SLC9A3: variants seen among roughly 807,000 people sequenced by gnomAD.
The protein encoded by SLC9A3 is sodium/hydrogen exchanger 3.
Under a neutral mutation model 86.8 loss-of-function variants are expected in SLC9A3, and 37 were observed. The observed-to-expected ratio is 0.43, with a 90% CI of 0.33 to 0.56. The LOEUF is 0.56. Ranked by LOEUF, SLC9A3 falls within the 20% of genes least tolerant of loss-of-function variation. SLC9A3 has a pLI of 0.06. For missense variants in SLC9A3, 1,011 were observed against 1,171.9 expected (o/e 0.86, Z 2.00); for synonymous variants, 581 against 528.3 (o/e 1.10, Z -1.37).
intron 6 of SLC9A3, 78 bp downstream of exon 6, chr5:483,184 C>T (rs1739298465): frequency 8.9e-7 from 1 of 1,123,948 alleles, no homozygotes; most frequent in Non-Finnish European, 1.3e-6. Flanking sequence ...TCCCTGGGCC[C>T]AGTAGAAAGC....
chr5:486,870 C>T (rs1022804081), intron 3 of SLC9A3, among the ~76,000 whole-genome samples: 9 of 127,546 alleles, frequency 7.1e-5, no homozygotes, highest in African/African-American at 8.9e-5. Context: ...TGATCCAGAC[C>T]GCACTGACAC....
chr5:482,515 C>T (rs774271919), intron 7 of SLC9A3, 33 bp downstream of exon 7: 33 of 1,569,398 alleles, frequency 2.1e-5, no homozygotes, highest in East Asian at 6.8e-5. Flanking sequence ...CGGGCGGGGC[C>T]GAGACCCCAG....
chr5:510,078 G>A (rs982191596), intron 1 of SLC9A3, among the ~76,000 whole-genome samples: 5 of 152,246 alleles, frequency 3.3e-5, no homozygotes, highest in Admixed American at 2.0e-4. Flanking sequence ...CCGGGGAGCC[G>A]CTGGAGGCCT....
rs1738412407 is a variant in SLC9A3, at chr5:472,422, GGACT to G, written c.*953_*956del. 1.8e-5 allele frequency: 6 copies of G among 337,740 alleles called. No individual in the cohort carries two copies. Among genetic ancestry groups the G allele is most frequent in the Non-Finnish European group, 2.9e-5 (5 of 172,130 alleles). 20.9% of individuals were successfully genotyped at this position (337,740 alleles called of 1,614,324 possible). ...CTGCTGGGCCCCACCATCCACTTAAGGACTGGCCGTGATTCTTGGCAAGCTCCGC... is the reference window on the plus strand; with the variant it reads ...CTGCTGGGCCCCACCATCCACTTAAGGGCCGTGATTCTTGGCAAGCTCCGC... On this transcript the variant is annotated 3_prime_UTR_variant, in exon 17 of 17. Coordinates refer to ENST00000264938, the MANE Select transcript of SLC9A3 (RefSeq NM_004174.4).
intron 1 of SLC9A3, among the ~76,000 whole-genome samples, chr5:493,116 G>GA (rs70955254): frequency 0.59 from 86,369 of 145,666 alleles, 26,788 homozygotes; most frequent in Non-Finnish European, 0.71. Context: ...GTTGGACTCA[G>GA]AAAAAAAAAA....
In SLC9A3 at chr5:489,947, C is replaced by T. The variant is rs141032246; in HGVS notation, c.515-1471G>A. On this transcript the variant is annotated intron_variant, in intron 2 of 16. Coordinates refer to ENST00000264938, the MANE Select transcript of SLC9A3 (RefSeq NM_004174.4). ...AAGGGCCTCTGATGCCTGAAGCTCT[C>T]GCAGGGCCTGTCCCCACACTGCCCG... 8.7e-3 allele frequency among the ~76,000 whole-genome samples: 1,332 copies of T among 152,364 alleles called. 22 individuals are homozygous for T. The highest frequency in any genetic ancestry group is 0.03 in the African/African-American group (1,255 of 41,592).
At chr5:512,973 T>A (rs1733602026) in intron 1 of SLC9A3, among the ~76,000 whole-genome samples, 2 of 151,918 alleles carry the variant, frequency 1.3e-5, no homozygotes, top group South Asian at 4.2e-4. Flanking sequence ...CACTTTTCAC[T>A]GGAAGATAAG....
At chr5:522,487 C>T (rs984592317) in intron 1 of SLC9A3, among the ~76,000 whole-genome samples, 4 of 152,116 alleles carry the variant, frequency 2.6e-5, no homozygotes, top group Non-Finnish European at 4.4e-5. Flanking sequence ...CGGCCGGGCG[C>T]GGTGGCTCAC....
chr5:505,851 G>A (rs1179079521), intron 1 of SLC9A3, among the ~76,000 whole-genome samples: 4 of 150,414 alleles, frequency 2.7e-5, no homozygotes, highest in Non-Finnish European at 5.9e-5. Context: ...TGGCCATGTT[G>A]GGAGGGGAGT....
chr5:489,047 T>G (rs995373086), intron 2 of SLC9A3, among the ~76,000 whole-genome samples: 1 of 152,226 alleles, frequency 6.6e-6, no homozygotes, highest in Admixed American at 6.5e-5. Flanking sequence ...TGGGCTCTGG[T>G]GCCCCTCGCT....
Position 482,041 on chromosome 5 carries a change from CCCCCCGCCCCCCAG to C in SLC9A3, c.1446+13_1446+26del. 1 of 528,246 alleles carries C rather than the reference CCCCCCGCCCCCCAG, an allele frequency of 1.9e-6. No homozygotes were observed. The highest frequency in any genetic ancestry group is 3.4e-6 in the Non-Finnish European group (1 of 297,568). 32.7% of individuals were successfully genotyped at this position (528,246 alleles called of 1,614,324 possible). On this transcript the variant is annotated intron_variant, in intron 8 of 16. Coordinates refer to ENST00000264938, the MANE Select transcript of SLC9A3 (RefSeq NM_004174.4). ...AGCCCCGAGGAACACGCAGTGCCCC[CCCCCCGCCCCCCAG>C]CCCCGCACTTACGCGCCCGTGCAGC...
In SLC9A3 at chr5:524,226, C is replaced by G; in HGVS notation, c.97G>C (p.Gly33Arg). ...CCCCCGCTCTCGCCGTGCGCGCCGC[C>G]GGGCTCCACCTCGACGCCCCCGGCC... is the stretch of plus-strand genomic sequence containing the variant. ...ARAGGVEVEP[G>R]GAHGESGGFQ... The change falls in exon 1 of 17, where the codon GGC becomes CGC. Residue 33 changes from glycine (G) to arginine (R), a missense_variant. Physicochemically the swap from Gly to Arg is moderately radical, Grantham distance 125. Around this residue, in one of 3 missense-constraint regions of SLC9A3, gnomAD observed 565 missense variants for 790.0 expected, o/e 0.72. Transcript: ENST00000264938. 1 of 1,505,098 alleles carries G rather than the reference C, an allele frequency of 6.6e-7. No homozygotes were observed. The highest frequency in any genetic ancestry group is 8.9e-7 in the Non-Finnish European group (1 of 1,127,182). 93.2% of individuals were successfully genotyped at this position (1,505,098 alleles called of 1,614,324 possible). A position where few individuals can be genotyped will look rare whatever the true frequency, so the allele number is the denominator to read the frequency against.
At position 476,080 on chromosome 5, in the gene SLC9A3, T is replaced by C; in HGVS notation, c.2080A>G (p.Ile694Val). 6.2e-7 allele frequency: 1 copy of C among 1,613,390 alleles called. No individual in the cohort carries two copies. Among genetic ancestry groups the C allele is most frequent in the Non-Finnish European group, 8.5e-7 (1 of 1,179,814 alleles). ...ERAQKRRNSSIPNGKLPMESP... is the reference protein window; with the variant it reads ...ERAQKRRNSSVPNGKLPMESP... ...TCCATGGGCAGCTTCCCATTGGGGA[T>C]GCTGCTGTTTCTCTGCGGAGCAAAC... The change falls in exon 14 of 17, where the codon ATC becomes GTC. Residue 694 changes from isoleucine (I) to valine (V), a missense_variant. By Grantham distance (29) the Ile-to-Val change is conservative. Coordinates refer to ENST00000264938, the MANE Select transcript of SLC9A3 (RefSeq NM_004174.4).
chr5:475,172 C>A, intron 15 of SLC9A3, 40 bp from the exon 16 acceptor site: 1 of 1,527,870 alleles, frequency 6.5e-7, no homozygotes, highest in Non-Finnish European at 8.8e-7. Flanking sequence ...TTCGGAGAGC[C>A]CCACGGCGGC....
At position 501,564 on chromosome 5, in the gene SLC9A3, TCGCAGAGA is replaced by T. The variant is rs1450813094; in HGVS notation, c.212-9501_212-9494del. 1.8e-4 allele frequency among the ~76,000 whole-genome samples: 28 copies of T among 152,068 alleles called. No homozygotes were observed. In the East Asian group the frequency reaches 2.9e-3, roughly 16 times the overall value. On this transcript the variant is annotated intron_variant, in intron 1 of 16. Coordinates refer to ENST00000264938, the MANE Select transcript of SLC9A3 (RefSeq NM_004174.4). ...GGAACACGTGCACGCACACAGAGAC[TCGCAGAGA>T]CGCAGAGACGTGCAGAGACACACAG...
In SLC9A3 at chr5:482,766, C is replaced by A; in HGVS notation, c.1154-16G>T. 6.3e-7 allele frequency: 1 copy of A among 1,579,604 alleles called. No individual in the cohort carries two copies. Among genetic ancestry groups the A allele is most frequent in the Non-Finnish European group, 8.6e-7 (1 of 1,162,494 alleles). ...AGGACCACACCTGCGGATGATGGGG[C>A]GGGCACTCAGCTCCCCGGCCGCCCT... On this transcript the variant is annotated splice_polypyrimidine_tract_variant and intron_variant, in intron 6 of 16. Transcript: ENST00000264938.
intron 1 of SLC9A3, among the ~76,000 whole-genome samples, chr5:498,705 C>T (rs1560965647): frequency 6.6e-6 from 1 of 152,212 alleles, no homozygotes; most frequent in East Asian, 1.9e-4. Flanking sequence ...CCTGGCCAAC[C>T]GTGTCTTCTC....
chr5:503,684 G>A (rs577605082), intron 1 of SLC9A3, among the ~76,000 whole-genome samples: 2 of 152,334 alleles, frequency 1.3e-5, no homozygotes, highest in East Asian at 3.9e-4. Context: ...GCAAGTACAG[G>A]GAAAATCCTG....
intron 3 of SLC9A3, among the ~76,000 whole-genome samples, chr5:486,179 AC>A (rs1278463236): frequency 9.0e-6 from 1 of 111,422 alleles, no homozygotes; most frequent in African/African-American, 3.0e-5. Flanking sequence ...GAGGAAGCTG[AC>A]CCCACCCTTC....
Sources: gnomAD v4.1 joint callset for allele counts (sites outside exome capture counted in the v4.1 genomes callset) on GRCh38, gnomAD v4.1.1 for gene constraint, gnomAD v4.1.1 regional missense constraint, MANE v1.5 for transcripts, NCBI Gene and HGNC (gene_info 2026-07-23, HGNC 2026-07-21) for gene names.